RLBP1: variants seen among roughly 807,000 people sequenced by gnomAD.
The protein encoded by RLBP1 is retinaldehyde-binding protein 1.
In RLBP1, 26 loss-of-function variants were observed where a neutral mutation model predicts 36.2. The ratio of observed to expected loss-of-function variants is 0.72; its 90% CI spans 0.53 to 1.00. The LOEUF is 1.00. Among genes scored for constraint, RLBP1 ranks in the 50% least tolerant of loss-of-function variants. The pLI is 0.00. For synonymous variants in RLBP1, 155 were observed against 156.2 expected (o/e 0.99, Z 0.06); for missense variants, 410 against 402.4 (o/e 1.02, Z -0.16).
chr15:89,215,014 A>C, intron 6 of RLBP1, 46 bp downstream of exon 6: 1 of 1,596,522 alleles, frequency 6.3e-7, no homozygotes, highest in Non-Finnish European at 8.6e-7. Flanking sequence ...GGGTTGAGGG[A>C]GGGAACCCAG....
chr15:89,214,343 C>T lies in RLBP1; in HGVS notation c.525+717G>A, dbSNP rs984119714. On this transcript the variant is annotated intron_variant, in intron 6 of 8. Coordinates refer to ENST00000268125, the MANE Select transcript of RLBP1 (RefSeq NM_000326.5). This position sits in a 1 kb window ranked among gnomAD's most constrained non-coding sequence, Gnocchi z 4.6. ...GGGCATGGTGGCGTGCGTCTGTAAT[C>T]CCAGCTACTTGGAAGGCTGAGGCTT... is the stretch of plus-strand genomic sequence containing the variant. 6.6e-6 allele frequency among the ~76,000 whole-genome samples: 1 copy of T among 152,112 alleles called. No homozygotes were observed. Among genetic ancestry groups the T allele is most frequent in the African/African-American group, 2.4e-5 (1 of 41,426 alleles).
At chr15:89,215,026 C>G in intron 6 of RLBP1, 34 bp downstream of exon 6, 1 of 1,612,614 alleles carries the variant, frequency 6.2e-7, no homozygotes, top group Non-Finnish European at 8.5e-7. Context: ...GGAACCCAGC[C>G]CACAGGGTGG....
In RLBP1 at chr15:89,211,647, A is replaced by T; in HGVS notation, c.684+96T>A. On this transcript the variant is annotated intron_variant, in intron 7 of 8. Coordinates refer to ENST00000268125, the MANE Select transcript of RLBP1 (RefSeq NM_000326.5). The surrounding 1 kb of genome is among the most constrained non-coding windows in gnomAD (Gnocchi z 5.8). ...GCTCTTTATGGCGCGAGGTGGTCCA[A>T]CTTCTCAGTTCCCTGCAAGCACCAT... is the stretch of plus-strand genomic sequence containing the variant. 4.4e-6 allele frequency: 6 copies of T among 1,351,334 alleles called. No individual in the cohort carries two copies. The highest frequency in any genetic ancestry group is 6.3e-6 in the Non-Finnish European group (6 of 958,872). 83.7% of individuals were successfully genotyped at this position (1,351,334 alleles called of 1,614,324 possible). A position where few individuals can be genotyped will look rare whatever the true frequency, so the allele number is the denominator to read the frequency against.
Position 89,211,981 on chromosome 15 carries a change from T to A in RLBP1, c.526-80A>T. 1 of 1,435,320 alleles carries A rather than the reference T, an allele frequency of 7.0e-7. No homozygotes were observed. 88.9% of individuals were successfully genotyped at this position (1,435,320 alleles called of 1,614,324 possible). ...TTGAGGTCCTGAGGGGAGAGCTAAT[T>A]GGTACATTCTTCACTGGGGTAATTT... On this transcript the variant is annotated intron_variant, in intron 6 of 8. Coordinates refer to ENST00000268125, the MANE Select transcript of RLBP1 (RefSeq NM_000326.5). This position sits in a 1 kb window ranked among gnomAD's most constrained non-coding sequence, Gnocchi z 5.8.
At position 89,211,144 on chromosome 15, in the gene RLBP1, G is replaced by A. The variant is rs2051534898; in HGVS notation, c.685-335C>T. Among the ~76,000 whole-genome samples, 1 of 152,180 alleles carries A rather than the reference G, an allele frequency of 6.6e-6. No homozygotes were observed. Among genetic ancestry groups the A allele is most frequent in the African/African-American group, 2.4e-5 (1 of 41,442 alleles). On this transcript the variant is annotated intron_variant, in intron 7 of 8. Coordinates refer to ENST00000268125, the MANE Select transcript of RLBP1 (RefSeq NM_000326.5). The surrounding 1 kb of genome is among the most constrained non-coding windows in gnomAD (Gnocchi z 5.8). ...TTCAAACCCACTTGCCTGCCGAAGG[G>A]ACTGCAAACTATTACAAACGACAGG...
rs1199565498 is a variant in RLBP1, at chr15:89,218,533, G to A, written c.141+32C>T. 19 of 1,614,108 alleles carry A rather than the reference G, an allele frequency of 1.2e-5. No homozygotes were observed. Among genetic ancestry groups the A allele is most frequent in the Non-Finnish European group, 1.6e-5 (19 of 1,180,010 alleles). The stretch of plus-strand genomic sequence containing the variant: ...TGTTCCCCTCATGTTGCCTCCCTAG[G>A]CTGCTCCTCTCCGCACTGTCAGCCA... On this transcript the variant is annotated intron_variant, in intron 4 of 8. Transcript: ENST00000268125. This position sits in a 1 kb window ranked among gnomAD's most constrained non-coding sequence, Gnocchi z 4.6.
intron 1 of RLBP1, 61 bp downstream of exon 1, chr15:89,221,474 C>T (rs909609886): frequency 1.3e-5 from 2 of 152,214 alleles, no homozygotes; most frequent in Admixed American, 6.5e-5. Flanking sequence ...TCCCTGCTCC[C>T]CTGAGTCCTC....
Position 89,211,683 on chromosome 15 carries a change from C to T in RLBP1, c.684+60G>A. On this transcript the variant is annotated intron_variant, in intron 7 of 8. Transcript: ENST00000268125. This position sits in a 1 kb window ranked among gnomAD's most constrained non-coding sequence, Gnocchi z 5.8. ...CCCTGCAAGCACCATGAAAGGAGGCCCAGCCTCTCAGCCTCCCCAGCTGTG... is the reference window on the plus strand; with the variant it reads ...CCCTGCAAGCACCATGAAAGGAGGCTCAGCCTCTCAGCCTCCCCAGCTGTG... 3.2e-6 allele frequency: 5 copies of T among 1,575,536 alleles called. No individual in the cohort carries two copies. The highest frequency in any genetic ancestry group is 4.3e-6 in the Non-Finnish European group (5 of 1,150,214).
Position 89,218,534 on chromosome 15 carries a change from C to T in RLBP1, c.141+31G>A. 6.2e-7 allele frequency: 1 copy of T among 1,614,166 alleles called. No individual in the cohort carries two copies. Among genetic ancestry groups the T allele is most frequent in the African/African-American group, 1.3e-5 (1 of 75,060 alleles). On this transcript the variant is annotated intron_variant, in intron 4 of 8. Transcript: ENST00000268125. This position sits in a 1 kb window ranked among gnomAD's most constrained non-coding sequence, Gnocchi z 4.6. ...GTTCCCCTCATGTTGCCTCCCTAGGCTGCTCCTCTCCGCACTGTCAGCCAC... is the reference window on the plus strand; with the variant it reads ...GTTCCCCTCATGTTGCCTCCCTAGGTTGCTCCTCTCCGCACTGTCAGCCAC...
chr15:89,210,320 CAA>C lies in RLBP1; in HGVS notation c.917_918del (p.Phe306TrpfsTer7). The C allele has an allele frequency of 6.2e-7, 1 of 1,614,226 alleles. No homozygotes were observed. Among genetic ancestry groups the C allele is most frequent in the Non-Finnish European group, 8.5e-7 (1 of 1,180,052 alleles). On this transcript the variant is annotated frameshift_variant, in exon 9 of 9. Coordinates refer to ENST00000268125, the MANE Select transcript of RLBP1 (RefSeq NM_000326.5). LOFTEE classifies it high-confidence loss of function. This position sits in a 1 kb window ranked among gnomAD's most constrained non-coding sequence, Gnocchi z 4.7. ...YDGKAVAEQL[F>X]GPQAQAENTA... ...GTGTTCTCAGCTTGGGCCTGGGGGC[CAA>C]AGAGCTGCTCAGCAACGGCCTTGCC...
In RLBP1 at chr15:89,211,039, C is replaced by T. The variant is rs557384258; in HGVS notation, c.685-230G>A. 1.3e-5 allele frequency among the ~76,000 whole-genome samples: 2 copies of T among 152,328 alleles called. No homozygotes were observed. The highest frequency in any genetic ancestry group is 2.1e-4 in the South Asian group (1 of 4,828). Reference sequence around the variant, plus strand: ...AGCCCCAAGATTCATAAGACCCAACCCTCTCCCTGCTGATGCAAATTAAAC... The same window carrying T: ...AGCCCCAAGATTCATAAGACCCAACTCTCTCCCTGCTGATGCAAATTAAAC... On this transcript the variant is annotated intron_variant, in intron 7 of 8. Transcript: ENST00000268125. The surrounding 1 kb of genome is among the most constrained non-coding windows in gnomAD (Gnocchi z 5.8).
At chr15:89,212,080 A>C (rs2051543086) in intron 6 of RLBP1, among the ~76,000 whole-genome samples, 179 bp from the exon 7 acceptor site, 1 of 152,208 alleles carries the variant, frequency 6.6e-6, no homozygotes, top group Non-Finnish European at 1.5e-5. Context: ...TGTCACATCC[A>C]TGCTTAGAGG....
At chr15:89,212,432 A>C (rs1237731792) in intron 6 of RLBP1, among the ~76,000 whole-genome samples, 1 of 151,822 alleles carries the variant, frequency 6.6e-6, no homozygotes, top group Non-Finnish European at 1.5e-5. Flanking sequence ...AAATACAAAA[A>C]AATCAGCTGA....
At position 89,211,897 on chromosome 15, in the gene RLBP1, A is replaced by G. The variant is rs727504127; in HGVS notation, c.530T>C (p.Leu177Ser). 40 of 1,614,098 alleles carry G rather than the reference A, an allele frequency of 2.5e-5. No individual in the cohort carries two copies. Among genetic ancestry groups the G allele is most frequent in the Non-Finnish European group, 3.3e-5 (39 of 1,180,040 alleles). The stretch of plus-strand genomic sequence containing the variant: ...CTCCAGGATGAAGCAATATGCCTGC[A>G]AGATCTTGGGCACAGAGAGAACAGG... ...QSQEITFDEILQAYCFILEKL... is the reference protein window; with the variant it reads ...QSQEITFDEISQAYCFILEKL... The change falls in exon 7 of 9, where the codon TTG becomes TCG. Residue 177 changes from leucine (L) to serine (S), a missense_variant. Physicochemically the swap from Leu to Ser is moderately radical, Grantham distance 145. Transcript: ENST00000268125. This position sits in a 1 kb window ranked among gnomAD's most constrained non-coding sequence, Gnocchi z 5.8.
chr15:89,216,722 T>G (rs1407197164), intron 5 of RLBP1, among the ~76,000 whole-genome samples: 1 of 152,222 alleles, frequency 6.6e-6, no homozygotes, highest in Non-Finnish European at 1.5e-5. Context: ...TCAGTTCCAC[T>G]GCACATGAGG....
chr15:89,219,013 G>T lies in RLBP1; in HGVS notation c.-38C>A, dbSNP rs1003816532. On this transcript the variant is annotated 5_prime_UTR_variant, in exon 3 of 9. Coordinates refer to ENST00000268125, the MANE Select transcript of RLBP1 (RefSeq NM_000326.5). ...AGACACAGAGTCCTTGGAAAAAGAA[G>T]GGATCTGCTTTCTCTGTCCTGGCCT... 2 of 1,613,978 alleles carry T rather than the reference G, an allele frequency of 1.2e-6. No homozygotes were observed. Among genetic ancestry groups the T allele is most frequent in the Non-Finnish European group, 1.7e-6 (2 of 1,179,978 alleles).
chr15:89,220,668 T>G (rs2051619447), intron 1 of RLBP1, among the ~76,000 whole-genome samples: 1 of 152,158 alleles, frequency 6.6e-6, no homozygotes, highest in Non-Finnish European at 1.5e-5. Context: ...GCTGAAATGC[T>G]GCTGTGCTAT....
chr15:89,210,238 G>A lies in RLBP1; in HGVS notation c.*47C>T. On this transcript the variant is annotated 3_prime_UTR_variant, in exon 9 of 9. Transcript: ENST00000268125. This position sits in a 1 kb window ranked among gnomAD's most constrained non-coding sequence, Gnocchi z 4.7. ...TAGCCTTGGGTCCAGGACAGTTGAG[G>A]AGAGGCCCAGAGATTCTAACTACAG... 1.2e-6 allele frequency: 2 copies of A among 1,607,828 alleles called. No individual in the cohort carries two copies. The highest frequency in any genetic ancestry group is 1.7e-5 in the Admixed American group (1 of 60,022).
chr15:89,218,398 G>A lies in RLBP1; in HGVS notation c.141+167C>T, dbSNP rs527605431. ...TGGGTGTCTGGTCAACCCAGTTGCTGCCATAGCCGTGACCACCAGGAAGGA... is the reference window on the plus strand; with the variant it reads ...TGGGTGTCTGGTCAACCCAGTTGCTACCATAGCCGTGACCACCAGGAAGGA... On this transcript the variant is annotated intron_variant, in intron 4 of 8. Coordinates refer to ENST00000268125, the MANE Select transcript of RLBP1 (RefSeq NM_000326.5). This position sits in a 1 kb window ranked among gnomAD's most constrained non-coding sequence, Gnocchi z 4.6. Among the ~76,000 whole-genome samples, 9 of 152,324 alleles carry A rather than the reference G, an allele frequency of 5.9e-5. No individual in the cohort carries two copies. In the East Asian group the frequency reaches 1.2e-3, roughly 20 times the overall value.
Sources: gnomAD v4.1 joint callset for allele counts (sites outside exome capture counted in the v4.1 genomes callset) on GRCh38, gnomAD v4.1.1 for gene constraint, Gnocchi (gnomAD v3.1) non-coding constraint, MANE v1.5 for transcripts, NCBI Gene and HGNC (gene_info 2026-07-23, HGNC 2026-07-21) for gene names.